VMA21: variants seen among roughly 807,000 people sequenced by gnomAD.
VMA21 encodes the protein vacuolar ATPase assembly integral membrane protein VMA21.
For synonymous variants in VMA21, 47 were observed against 34.1 expected (o/e 1.38, Z -1.32); for missense variants, 61 against 80.6 (o/e 0.76, Z 0.93).
chrX:151,397,502 G>A, intron 1 of VMA21, 141 bp downstream of exon 1: 1 of 720,714 alleles, frequency 1.4e-6, no homozygotes, highest in Non-Finnish European at 2.0e-6. Context: ...GGGGAAAGCA[G>A]GTTGGAGCCT....
chrX:151,403,028 T>C (rs780951664), intron 1 of VMA21, among the ~76,000 whole-genome samples: 22 of 111,766 alleles, frequency 2.0e-4, no homozygotes, highest in African/African-American at 7.2e-4. Flanking sequence ...GGGACCAGTG[T>C]GACAGTGGCT....
chrX:151,396,894 C>A (rs1438185015), upstream of VMA21: 1 of 522,464 alleles, frequency 1.9e-6, no homozygotes, highest in African/African-American at 2.3e-5. Context: ...AGACGAGGAC[C>A]AGTGTTCACG....
At chrX:151,398,496 C>T (rs891304022) in intron 1 of VMA21, among the ~76,000 whole-genome samples, 16 of 111,186 alleles carry the variant, frequency 1.4e-4, no homozygotes, top group African/African-American at 4.9e-4. Context: ...CTTCCAGCTC[C>T]AGTCATGTTG....
chrX:151,396,912 AGG>A (rs1314727558), upstream of VMA21: 4 of 518,675 alleles, frequency 7.7e-6, no homozygotes, highest in Non-Finnish European at 1.4e-5. Context: ...ACGCGAGTTC[AGG>A]GGGCGGCGTA....
intron 1 of VMA21, among the ~76,000 whole-genome samples, chrX:151,398,411 G>T (rs113082649): frequency 1.9e-5 from 1 of 52,604 alleles, no homozygotes; most frequent in African/African-American, 4.2e-5. Flanking sequence ...ATCTGTTCTT[G>T]TTGTTTAGTT....
upstream of VMA21, chrX:151,397,020 C>T (rs1193819096): frequency 2.6e-5 from 13 of 506,381 alleles, no homozygotes; most frequent in East Asian, 3.7e-4. Flanking sequence ...CGAGCACAGG[C>T]CCCTCCTGGC....
intron 1 of VMA21, among the ~76,000 whole-genome samples, chrX:151,401,906 C>T (rs2011239899): frequency 9.0e-6 from 1 of 110,504 alleles, no homozygotes; most frequent in African/African-American, 3.3e-5. Flanking sequence ...GCCACCATGC[C>T]CAGCGAATTA....
chrX:151,403,551 T>C, intron 1 of VMA21, 80 bp from the exon 2 acceptor site: 2 of 703,971 alleles, frequency 2.8e-6, no homozygotes, highest in Non-Finnish European at 4.6e-6. Context: ...CATTTGTGGA[T>C]GTTTATAGTT....
chrX:151,403,685 A>G lies in VMA21; in HGVS notation c.108A>G (p.Leu36=), dbSNP rs185517317. The change falls in exon 2 of 3, where the codon TTA becomes TTG. Residue 36 remains leucine, a synonymous_variant. Transcript: ENST00000330374. ...TLKTLLFFTA[L]MITVPIGLYF... Reference sequence around the variant, plus strand: ...AGACGCTCCTGTTCTTCACAGCTTTAATGATCACTGTTCCTATTGGGTTAT... The same window carrying G: ...AGACGCTCCTGTTCTTCACAGCTTTGATGATCACTGTTCCTATTGGGTTAT... 2.5e-6 allele frequency: 3 copies of G among 1,209,084 alleles called. No individual in the cohort carries two copies. The East Asian group carries it at 8.9e-5, about 36-fold the overall frequency.
upstream of VMA21, chrX:151,397,131 C>G (rs1399715519): frequency 5.2e-6 from 2 of 381,835 alleles, no homozygotes; most frequent in Non-Finnish European, 4.1e-6. Flanking sequence ...CCGCGCCGCG[C>G]CTGCGTACTG....
At chrX:151,402,365 A>G (rs1424246326) in intron 1 of VMA21, among the ~76,000 whole-genome samples, 1 of 111,380 alleles carries the variant, frequency 9.0e-6, no homozygotes, top group Non-Finnish European at 1.9e-5. Flanking sequence ...TATTTTTAGT[A>G]GAGACTGGGT....
At chrX:151,399,073 C>T (rs1216632183) in intron 1 of VMA21, among the ~76,000 whole-genome samples, 1 of 112,301 alleles carries the variant, frequency 8.9e-6, no homozygotes, top group East Asian at 2.8e-4. Context: ...GAGAAAATGT[C>T]CTATAAACAG....
intron 1 of VMA21, among the ~76,000 whole-genome samples, chrX:151,401,160 A>C (rs187415427): frequency 9.0e-6 from 1 of 111,674 alleles, no homozygotes; most frequent in Non-Finnish European, 1.9e-5. Flanking sequence ...TTAAAACTTT[A>C]TATCTTTATG....
At position 151,397,255 on chromosome X, in the gene VMA21, G is replaced by GCGGCCGCCGAGCCCAGCT. The variant is rs2011200165; in HGVS notation, c.-52_-35dup. 4.4e-6 allele frequency: 5 copies of GCGGCCGCCGAGCCCAGCT among 1,133,697 alleles called. No homozygotes were observed. Among genetic ancestry groups the GCGGCCGCCGAGCCCAGCT allele is most frequent in the Non-Finnish European group, 5.8e-6 (5 of 855,973 alleles). 93.4% of individuals were successfully genotyped at this position (1,133,697 alleles called of 1,213,427 possible). A position where few individuals can be genotyped will look rare whatever the true frequency, so the allele number is the denominator to read the frequency against. ...CGTTCCCTCGCGGAGCTTACTGAGC[G>GCGGCCGCCGAGCCCAGCT]CGGCCGCCGAGCCCAGCTCCGCCGC... On this transcript the variant is annotated 5_prime_UTR_variant, in exon 1 of 3. Transcript: ENST00000330374.
rs990138820 is a variant in VMA21 at position 151,407,076 on chromosome X, C to T, written c.*2018C>T. On this transcript the variant is annotated 3_prime_UTR_variant, in exon 3 of 3. Coordinates refer to ENST00000330374, the MANE Select transcript of VMA21 (RefSeq NM_001017980.4). ...CCACCTAATTTCTTTTTATATAATG[C>T]CAAGGTATTTCTTGTGCTTTTGGGA... 1 of 112,269 alleles carries T rather than the reference C, an allele frequency of 8.9e-6. No homozygotes were observed. Among genetic ancestry groups the T allele is most frequent in the Admixed American group, 9.4e-5 (1 of 10,641 alleles). The allele number at this position is 112,269 out of a possible 1,213,427, so 9.3% of individuals were successfully genotyped here.
chrX:151,399,254 TTGTG>T (rs2011219298), intron 1 of VMA21, among the ~76,000 whole-genome samples: 2 of 111,979 alleles, frequency 1.8e-5, no homozygotes, highest in South Asian at 7.4e-4. Context: ...TGTGTATAGA[TTGTG>T]TGGGGGCTAG....
intron 2 of VMA21, among the ~76,000 whole-genome samples, chrX:151,404,201 G>A (rs1428515066): frequency 2.8e-5 from 3 of 107,490 alleles, no homozygotes; most frequent in Admixed American, 9.8e-5. Flanking sequence ...AGCCTCCTGA[G>A]TATCTGGGAT....
chrX:151,401,343 T>G (rs996835414), intron 1 of VMA21, among the ~76,000 whole-genome samples: 2 of 111,896 alleles, frequency 1.8e-5, no homozygotes, highest in African/African-American at 6.5e-5. Context: ...CATATATGTT[T>G]GGATTTATTT....
intron 1 of VMA21, 110 bp downstream of exon 1, chrX:151,397,471 C>T (rs2011202851): frequency 2.1e-6 from 2 of 937,441 alleles, no homozygotes; most frequent in Non-Finnish European, 2.9e-6. Context: ...ACCCCGGGGA[C>T]CTGGCCTCAG....
Sources: allele counts gnomAD v4.1 joint callset (sites outside exome capture counted in the v4.1 genomes callset), GRCh38; gene constraint gnomAD v4.1.1; transcripts MANE v1.5; gene names NCBI Gene and HGNC (gene_info 2026-07-23, HGNC 2026-07-21).